The following NEDD4 variants were observed in gnomAD, a reference collection of about 807,000 sequenced individuals.
The protein encoded by NEDD4 is E3 ubiquitin-protein ligase NEDD4.
NEDD4 carries 99 observed loss-of-function variants against 144.9 expected under a neutral mutation model. The observed-to-expected ratio is 0.68, with a 90% CI of 0.58 to 0.81. The LOEUF (loss-of-function observed/expected upper bound fraction) is 0.81. Among genes scored for constraint, NEDD4 ranks in the 30% least tolerant of loss-of-function variants. The pLI is 0.00. For missense variants in NEDD4, 985 were observed against 1,065.9 expected (o/e 0.92, Z 1.06); for synonymous variants, 318 against 350.6 (o/e 0.91, Z 1.04).
chr15:55,920,168 C>CTA (rs1235372798), intron 5 of NEDD4, among the ~76,000 whole-genome samples: 2 of 131,374 alleles, frequency 1.5e-5, no homozygotes, highest in Non-Finnish European at 3.3e-5. Context: ...GAAGTCTTCA[C>CTA]TATATATATA....
chr15:55,856,302 G>C (rs574798940), intron 11 of NEDD4, 106 bp from the exon 12 acceptor site: 9 of 961,538 alleles, frequency 9.4e-6, no homozygotes, highest in Admixed American at 6.9e-5. Context: ...AAGAGAGAAG[G>C]CTGGCTAGGA....
intron 4 of NEDD4, among the ~76,000 whole-genome samples, chr15:55,944,048 G>C (rs1190991947): frequency 6.6e-6 from 1 of 152,204 alleles, no homozygotes; most frequent in African/African-American, 2.4e-5. Flanking sequence ...AACAGCTCCT[G>C]TCTGCAGCTC....
chr15:55,965,075 A>T (rs964366188), intron 2 of NEDD4, among the ~76,000 whole-genome samples: 3 of 151,934 alleles, frequency 2.0e-5, no homozygotes, highest in Non-Finnish European at 4.4e-5. Flanking sequence ...CTTTCCACTC[A>T]CCAAATCAAC....
intron 4 of NEDD4, among the ~76,000 whole-genome samples, chr15:55,944,648 T>C (rs768693970): frequency 6.6e-6 from 1 of 152,196 alleles, no homozygotes; most frequent in South Asian, 2.1e-4. Context: ...TCTCCCAGCA[T>C]GGGATTTGAG....
At chr15:55,906,274 A>T (rs1268573947) in intron 5 of NEDD4, among the ~76,000 whole-genome samples, 2 of 152,178 alleles carry the variant, frequency 1.3e-5, no homozygotes, top group Non-Finnish European at 2.9e-5. Flanking sequence ...CAGCCATCCC[A>T]TTACTGGGTA....
chr15:55,875,264 C>T (rs1394371835), intron 5 of NEDD4, among the ~76,000 whole-genome samples: 1 of 152,150 alleles, frequency 6.6e-6, no homozygotes, highest in Non-Finnish European at 1.5e-5. Context: ...TGGGGAACCT[C>T]AGCAGTGAAG....
chr15:55,858,467 C>T (rs972441715), intron 11 of NEDD4, among the ~76,000 whole-genome samples: 9 of 152,094 alleles, frequency 5.9e-5, no homozygotes, highest in Non-Finnish European at 1.0e-4. Context: ...ACCACCACAC[C>T]GAGCTAATTT....
At chr15:55,884,975 G>T (rs1282604176) in intron 5 of NEDD4, among the ~76,000 whole-genome samples, 1 of 152,096 alleles carries the variant, frequency 6.6e-6, no homozygotes, top group East Asian at 1.9e-4. Flanking sequence ...AAGCACATAT[G>T]ACCTAAATAA....
intron 3 of NEDD4, 29 bp from the exon 4 acceptor site, chr15:55,951,443 A>C (rs373553712): frequency 3.1e-5 from 39 of 1,256,542 alleles, no homozygotes; most frequent in Non-Finnish European, 3.9e-5. Flanking sequence ...AGTATAACTA[A>C]ATAAGGTTTT....
chr15:55,851,617 C>G (rs1016488475), intron 13 of NEDD4, among the ~76,000 whole-genome samples: 4 of 152,136 alleles, frequency 2.6e-5, no homozygotes, highest in East Asian at 2.0e-4. Context: ...GATGGGATTA[C>G]AGGCATGCGC....
chr15:55,900,000 GAGATTCAGACATGTCCTCAA>G (rs778566758), intron 5 of NEDD4, among the ~76,000 whole-genome samples: 1 of 151,748 alleles, frequency 6.6e-6, no homozygotes, highest in Non-Finnish European at 1.5e-5. Context: ...TGCTGTCTCT[GAGATTCAGACATGTCCTCAA>G]AGCTGAATGA....
At chr15:55,915,339 T>C (rs1321289326) in intron 5 of NEDD4, 10 of 1,611,006 alleles carry the variant, frequency 6.2e-6, no homozygotes, top group Non-Finnish European at 8.5e-6. Flanking sequence ...TCTTGATAAA[T>C]TATCCACTTT....
rs959890634 is a variant in NEDD4, at chr15:55,971,322, G to A, written c.46-4776C>T. On this transcript the variant is annotated intron_variant, in intron 1 of 28. Transcript: ENST00000435532. The stretch of plus-strand genomic sequence containing the variant: ...CAGGATCTAGAAAATAGCCTCAAAA[G>A]GGCAAAGTTAACAGTTATTGGGCCG... Among the ~76,000 whole-genome samples, 3 of 152,034 alleles carry A rather than the reference G, an allele frequency of 2.0e-5. No individual in the cohort carries two copies. The South Asian group carries it at 6.2e-4, about 32-fold the overall frequency.
intron 5 of NEDD4, chr15:55,916,594 C>T: frequency 1.9e-6 from 3 of 1,614,054 alleles, no homozygotes; most frequent in South Asian, 2.2e-5. Context: ...TTTTTATTAA[C>T]ATTTTCAGAT....
chr15:55,955,205 T>C (rs564455085), intron 2 of NEDD4, among the ~76,000 whole-genome samples: 7 of 152,170 alleles, frequency 4.6e-5, no homozygotes, highest in African/African-American at 1.7e-4. Flanking sequence ...TGTTTTTTTG[T>C]AGAAACAGGG....
intron 13 of NEDD4, 83 bp from the exon 14 acceptor site, chr15:55,850,825 C>A: frequency 1.7e-6 from 2 of 1,193,496 alleles, no homozygotes; most frequent in Non-Finnish European, 2.3e-6. Context: ...ACTTAACCTG[C>A]AAATAGAATA....
At chr15:55,890,801 C>A (rs1321237504) in intron 5 of NEDD4, among the ~76,000 whole-genome samples, 3 of 152,124 alleles carry the variant, frequency 2.0e-5, no homozygotes, top group African/African-American at 7.2e-5. Flanking sequence ...CCTTTCTTAC[C>A]AACAATGACC....
intron 1 of NEDD4, among the ~76,000 whole-genome samples, chr15:55,969,986 C>G (rs1213704100): frequency 6.6e-6 from 1 of 152,088 alleles, no homozygotes; most frequent in Non-Finnish European, 1.5e-5. Context: ...GGCCTTAGCT[C>G]CGAGAGGGCA....
At chr15:55,850,034 C>T (rs1004919177) in intron 14 of NEDD4, among the ~76,000 whole-genome samples, 2 of 151,884 alleles carry the variant, frequency 1.3e-5, no homozygotes, top group Non-Finnish European at 2.9e-5. Context: ...CTCCTGACCT[C>T]GTGATCTCCC....
Sources: allele counts gnomAD v4.1 joint callset (sites outside exome capture counted in the v4.1 genomes callset), GRCh38; gene constraint gnomAD v4.1.1; transcripts MANE v1.5; gene names NCBI Gene and HGNC (gene_info 2026-07-23, HGNC 2026-07-21).